Variants in ZC3H4 observed in about 807,000 individuals in gnomAD.
The protein encoded by ZC3H4 is zinc finger CCCH domain-containing protein 4.
ZC3H4 carries 13 observed loss-of-function variants against 108.3 expected under a neutral mutation model. The observed-to-expected ratio is 0.12, with a 90% confidence interval of 0.08 to 0.19. ZC3H4 has a LOEUF of 0.19. Among genes scored for constraint, ZC3H4 ranks in the 10% least tolerant of loss-of-function variants. The pLI is 1.00. For missense variants in ZC3H4, 1,734 were observed against 1,838.8 expected, an observed-to-expected ratio of 0.94 and a Z score of 1.04; for synonymous variants, 917 against 749.6, an observed-to-expected ratio of 1.22 and a Z score of -3.65.
Position 47,094,865 on chromosome 19 carries a change from A to G in ZC3H4, c.162-257T>C, listed in dbSNP as rs775989943. 2.7e-4 allele frequency among the ~76,000 whole-genome samples: 41 copies of G among 152,316 alleles called. 1 individual carries two copies. Among genetic ancestry groups the G allele is most frequent in the Non-Finnish European group, 4.7e-4 (32 of 68,022 alleles). On this transcript the variant is annotated intron_variant, in intron 2 of 14. Coordinates refer to ENST00000253048, the MANE Select transcript of ZC3H4 (RefSeq NM_015168.2). ...TTACCACTAACACCGGGACACATCT[A>G]CGCCAGATTTCCCAACAGAACTAGT... is the stretch of plus-strand genomic sequence containing the variant.
intron 2 of ZC3H4, chr19:47,112,195 G>A (rs1269550227): frequency 1.7e-6 from 2 of 1,211,518 alleles, no homozygotes; most frequent in Non-Finnish European, 2.1e-6. Context: ...GAGCGAGGGA[G>A]AGCGGGCGAG....
At chr19:47,085,692 G>A (rs938160818) in intron 6 of ZC3H4, among the ~76,000 whole-genome samples, 4 of 152,158 alleles carry the variant, frequency 2.6e-5, no homozygotes, top group East Asian at 1.9e-4. Flanking sequence ...GTGGACTGGC[G>A]TGGAAGGTCT....
At chr19:47,104,488 T>G (rs1357805272) in intron 2 of ZC3H4, among the ~76,000 whole-genome samples, 1 of 152,196 alleles carries the variant, frequency 6.6e-6, no homozygotes, top group African/African-American at 2.4e-5. Context: ...TCAGTGCATA[T>G]TCTATATGAA....
At chr19:47,090,325 T>A (rs2057709915) in intron 4 of ZC3H4, 136 bp from the exon 5 acceptor site, 2 of 916,392 alleles carry the variant, frequency 2.2e-6, no homozygotes, top group East Asian at 5.3e-5. Context: ...ACTGCTGGTC[T>A]CCAGCCCCTC....
At chr19:47,091,301 T>G (rs1207091661) in intron 4 of ZC3H4, among the ~76,000 whole-genome samples, 1 of 151,950 alleles carries the variant, frequency 6.6e-6, no homozygotes, top group Non-Finnish European at 1.5e-5. Flanking sequence ...CCGGGCACAG[T>G]AGCTCACACC....
At chr19:47,102,368 C>G (rs569652054) in intron 2 of ZC3H4, among the ~76,000 whole-genome samples, 1 of 152,240 alleles carries the variant, frequency 6.6e-6, no homozygotes, top group East Asian at 1.9e-4. Flanking sequence ...AAAACAACGC[C>G]CACCCTGAAA....
intron 8 of ZC3H4, among the ~76,000 whole-genome samples, chr19:47,084,822 T>C (rs2057587043): frequency 6.6e-6 from 1 of 152,176 alleles, no homozygotes; most frequent in East Asian, 1.9e-4. Context: ...AGAGATGTGT[T>C]AGGTATGGCT....
In ZC3H4 at chr19:47,081,485, CG is replaced by C. The variant is rs1207015199; in HGVS notation, c.1440+27del. ...GTGCGCATGTCCCAGTTCCTGTAGC[CG>C]GGGGCCCCGTTACCCCCGGACATTA... On this transcript the variant is annotated intron_variant, in intron 11 of 14. Coordinates refer to ENST00000253048, the MANE Select transcript of ZC3H4 (RefSeq NM_015168.2). 7 of 1,599,702 alleles carry C rather than the reference CG, an allele frequency of 4.4e-6. No homozygotes were observed. The African/African-American group carries it at 5.4e-5, about 12-fold the overall frequency.
At chr19:47,094,708 G>T in intron 2 of ZC3H4, 100 bp from the exon 3 acceptor site, 1 of 1,243,634 alleles carries the variant, frequency 8.0e-7, no homozygotes, top group East Asian at 2.3e-5. Flanking sequence ...AGGCCTGACT[G>T]CTGTGAGCGA....
rs761597014 is a variant in ZC3H4 at position 47,071,981 on chromosome 19, A to G, written c.1943T>C (p.Met648Thr). ...PDMHPDMHAD[M>T]HADMPMGPGM... is the part of the protein sequence containing the mutation. ...AGGGCCCATCGGCATGTCTGCGTGC[A>G]TGTCTGCGTGCATGTCAGGGTGCAT... The change falls in exon 13 of 15, where the codon ATG becomes ACG. Residue 648 changes from methionine (M) to threonine (T), a missense_variant. Met to Thr is a moderately conservative substitution (Grantham distance 81). Around this residue, in one of 9 missense-constraint regions of ZC3H4, gnomAD observed 540 missense variants for 484.1 expected, o/e 1.12. Transcript: ENST00000253048. 2 of 1,608,422 alleles carry G rather than the reference A, an allele frequency of 1.2e-6. No individual in the cohort carries two copies. Among genetic ancestry groups the G allele is most frequent in the African/African-American group, 2.7e-5 (2 of 74,828 alleles).
intron 11 of ZC3H4, among the ~76,000 whole-genome samples, chr19:47,074,521 G>T (rs2057383229): frequency 6.6e-6 from 1 of 152,210 alleles, no homozygotes; most frequent in African/African-American, 2.4e-5. Flanking sequence ...TCCTTGGAAG[G>T]CCTGCTTGCA....
intron 11 of ZC3H4, among the ~76,000 whole-genome samples, chr19:47,076,325 GC>G (rs2057418073): frequency 6.6e-6 from 1 of 151,044 alleles, no homozygotes; most frequent in Non-Finnish European, 1.5e-5. Flanking sequence ...GCGCGCGCGC[GC>G]ACACACACAC....
intron 4 of ZC3H4, among the ~76,000 whole-genome samples, chr19:47,090,835 A>G (rs561347509): frequency 3.9e-5 from 6 of 152,184 alleles, no homozygotes; most frequent in Non-Finnish European, 7.3e-5. Flanking sequence ...CCGGCTCATC[A>G]ATTCTAACAA....
chr19:47,112,237 G>GGA, intron 2 of ZC3H4, 187 bp downstream of exon 2: 1 of 1,168,928 alleles, frequency 8.6e-7, no homozygotes, highest in Non-Finnish European at 1.1e-6. Flanking sequence ...CATGAGGCCG[G>GGA]GAGAGAAAGC....
chr19:47,094,346 C>A, intron 3 of ZC3H4, 43 bp downstream of exon 3: 1 of 1,606,656 alleles, frequency 6.2e-7, no homozygotes, highest in Non-Finnish European at 8.5e-7. Context: ...CTCAGCCAGG[C>A]CCAATGCCAG....
In ZC3H4 at chr19:47,066,022, C is replaced by CT. The variant is rs2057187666; in HGVS notation, c.*333dup. On this transcript the variant is annotated 3_prime_UTR_variant, in exon 15 of 15. Transcript: ENST00000253048. ...GGCCATGCTTTGCCCAGAAAACCCA[C>CT]TGGGCCTCCAGCAAGGCCCGGCCAC... 9.2e-6 allele frequency: 2 copies of CT among 217,986 alleles called. No individual in the cohort carries two copies. The highest frequency in any genetic ancestry group is 3.3e-4 in the South Asian group (2 of 5,986). 13.5% of individuals were successfully genotyped at this position (217,986 alleles called of 1,614,324 possible). A position where few individuals can be genotyped will look rare whatever the true frequency, so the allele number is the denominator to read the frequency against.
chr19:47,083,271 C>T (rs916236064), intron 9 of ZC3H4, among the ~76,000 whole-genome samples: 2 of 148,978 alleles, frequency 1.3e-5, no homozygotes, highest in African/African-American at 5.0e-5. Flanking sequence ...CACTGCACTC[C>T]AGCCTGGGCG....
intron 5 of ZC3H4, among the ~76,000 whole-genome samples, chr19:47,087,387 G>A (rs1213598287): frequency 1.3e-5 from 2 of 151,236 alleles, no homozygotes; most frequent in East Asian, 3.9e-4. Flanking sequence ...ATATTAGGTT[G>A]AAAACAGATT....
chr19:47,071,515 T>G (rs2057325582), intron 13 of ZC3H4, among the ~76,000 whole-genome samples: 1 of 152,190 alleles, frequency 6.6e-6, no homozygotes, highest in South Asian at 2.1e-4. Context: ...CACTCGTCCC[T>G]CTAACTTCCC....
Sources: gnomAD v4.1 joint callset for allele counts (sites outside exome capture counted in the v4.1 genomes callset) on GRCh38, gnomAD v4.1.1 for gene constraint, gnomAD v4.1.1 regional missense constraint, MANE v1.5 for transcripts, NCBI Gene and HGNC (gene_info 2026-07-23, HGNC 2026-07-21) for gene names.